The following SOX6 variants were observed in gnomAD, a reference collection of about 807,000 sequenced individuals.
The protein encoded by SOX6 is transcription factor SOX-6.
Under a neutral mutation model 97.8 loss-of-function variants are expected in SOX6, and 11 were observed. That is an observed-to-expected ratio of 0.11 (90% CI 0.07 to 0.19). SOX6 has a LOEUF of 0.19. SOX6 is among the 10% of genes least tolerant of loss of function. The pLI is 1.00. For synonymous variants in SOX6, 360 were observed against 371.4 expected, an observed-to-expected ratio of 0.97 and a Z score of 0.35; for missense variants, 810 against 1,039.5, an observed-to-expected ratio of 0.78 and a Z score of 3.04.
At chr11:16,491,639 T>A (rs1409613480) in intron 4 of SOX6, among the ~76,000 whole-genome samples, 1 of 151,994 alleles carries the variant, frequency 6.6e-6, no homozygotes, top group African/African-American at 2.4e-5. Context: ...ACTTGATCTA[T>A]CAGATATCAA....
chr11:16,682,017 G>A (rs1847932367), intron 3 of SOX6, among the ~76,000 whole-genome samples: 1 of 152,200 alleles, frequency 6.6e-6, no homozygotes, highest in Admixed American at 6.5e-5. Flanking sequence ...ATTCACAGCT[G>A]AATTCTACCT....
intron 3 of SOX6, among the ~76,000 whole-genome samples, chr11:16,277,926 G>GT (rs35314117): frequency 0.025 from 3,827 of 152,282 alleles, 63 homozygotes; most frequent in Middle Eastern, 0.054. Flanking sequence ...AGTAAGAATA[G>GT]TATCTACATC....
chr11:16,138,171 A>C (rs1850023960), intron 6 of SOX6, among the ~76,000 whole-genome samples: 1 of 152,190 alleles, frequency 6.6e-6, no homozygotes, highest in Non-Finnish European at 1.5e-5. Flanking sequence ...TCTAGGAATA[A>C]AGAAGCTTAA....
intron 2 of SOX6, among the ~76,000 whole-genome samples, chr11:16,727,327 A>G (rs1033974396): frequency 1.6e-5 from 2 of 123,992 alleles, no homozygotes; most frequent in Admixed American, 2.2e-4. Context: ...ACTGCCCCAT[A>G]TCAGTACCTA....
intron 4 of SOX6, among the ~76,000 whole-genome samples, chr11:16,523,033 G>C (rs1861094354): frequency 6.6e-6 from 1 of 152,118 alleles, no homozygotes; most frequent in Non-Finnish European, 1.5e-5. Flanking sequence ...ATAATAATGG[G>C]AGACTTTAAC....
At chr11:16,196,892 G>T (rs1008821881) in intron 4 of SOX6, among the ~76,000 whole-genome samples, 1 of 145,552 alleles carries the variant, frequency 6.9e-6, no homozygotes, top group Non-Finnish European at 1.5e-5. Context: ...GGAGTGCAGT[G>T]GTGTGATCTC....
At chr11:16,061,968 G>A (rs1280791718) in intron 9 of SOX6, among the ~76,000 whole-genome samples, 3 of 151,598 alleles carry the variant, frequency 2.0e-5, no homozygotes, top group African/African-American at 7.3e-5. Context: ...AACTCTTCTG[G>A]GCATTGGTTT....
intron 3 of SOX6, among the ~76,000 whole-genome samples, chr11:16,280,451 A>G (rs974297442): frequency 3.3e-5 from 5 of 151,886 alleles, no homozygotes; most frequent in African/African-American, 1.2e-4. Flanking sequence ...AACACACATC[A>G]GAACCATTCA....
In SOX6 at chr11:15,979,504, C is replaced by G. The variant is rs577606463; in HGVS notation, c.2184-6392G>C. The stretch of plus-strand genomic sequence containing the variant: ...CTGCTTAAAACTCATCAATGCCTTT[C>G]CATCTCACTCAGGGTCAAATACAAA... On this transcript the variant is annotated intron_variant, in intron 15 of 15. Coordinates refer to ENST00000683767, the MANE Select transcript of SOX6 (RefSeq NM_001367873.1). 2.0e-5 allele frequency among the ~76,000 whole-genome samples: 3 copies of G among 152,224 alleles called. No homozygotes were observed. The South Asian group carries it at 6.2e-4, about 32-fold the overall frequency.
In SOX6 at chr11:15,973,075, C is replaced by T. The variant is rs1417556704; in HGVS notation, c.2221G>A (p.Val741Ile). The T allele has an allele frequency of 2.5e-6, 4 of 1,614,160 alleles. No homozygotes were observed. Among genetic ancestry groups the T allele is most frequent in the Non-Finnish European group, 3.4e-6 (4 of 1,180,020 alleles). ...ATAGTGATAGCACCAGGATACACAA[C>T]ACCTGTTCCTGTGGTGATTGGAATC... ...PQIPITTGTGVVYPGAITMAT... is the reference protein window; with the variant it reads ...PQIPITTGTGIVYPGAITMAT... The change falls in exon 16 of 16, where the codon GTT (valine) becomes ATT (isoleucine). Residue 741 changes from valine to isoleucine, a missense_variant. Val to Ile is a conservative substitution (Grantham distance 29, BLOSUM62 3). This residue lies in a region of SOX6 where 122 missense variants were observed against 153.4 expected (regional missense o/e 0.80). Coordinates refer to ENST00000683767, the MANE Select transcript of SOX6 (RefSeq NM_001367873.1).
chr11:16,482,802 A>C (rs997381909), intron 4 of SOX6, among the ~76,000 whole-genome samples: 6 of 152,228 alleles, frequency 3.9e-5, no homozygotes, highest in African/African-American at 1.4e-4. Flanking sequence ...AGAGTATTAA[A>C]GAAGGGTCAA....
At chr11:16,029,049 A>C (rs1194825715) in intron 12 of SOX6, among the ~76,000 whole-genome samples, 2 of 152,214 alleles carry the variant, frequency 1.3e-5, no homozygotes, top group African/African-American at 4.8e-5. Flanking sequence ...TTTATTTCTC[A>C]AAAAATAAAA....
intron 4 of SOX6, among the ~76,000 whole-genome samples, chr11:16,208,291 T>C (rs1852126222): frequency 6.6e-6 from 1 of 152,232 alleles, no homozygotes; most frequent in Non-Finnish European, 1.5e-5. Flanking sequence ...TTTTGGACAC[T>C]ATCAGGGTAT....
At chr11:16,083,057 G>A (rs1162291831) in intron 9 of SOX6, among the ~76,000 whole-genome samples, 2 of 152,008 alleles carry the variant, frequency 1.3e-5, no homozygotes, top group South Asian at 2.1e-4. Context: ...ATAAACCTGG[G>A]GAACTTATAC....
At chr11:16,179,875 A>C (rs1851302757) in intron 6 of SOX6, among the ~76,000 whole-genome samples, 1 of 151,888 alleles carries the variant, frequency 6.6e-6, no homozygotes, top group Non-Finnish European at 1.5e-5. Context: ...CTAAAATTGG[A>C]GTCTGAAGAG....
At chr11:16,080,916 G>A (rs1848459096) in intron 9 of SOX6, among the ~76,000 whole-genome samples, 2 of 151,968 alleles carry the variant, frequency 1.3e-5, no homozygotes. Context: ...GGGAGACCCT[G>A]TCTCTAAGAC....
chr11:16,341,383 C>A (rs1056607358), intron 1 of SOX6, 131 bp from the exon 2 acceptor site: 5 of 1,329,176 alleles, frequency 3.8e-6, no homozygotes, highest in Non-Finnish European at 3.0e-6. Flanking sequence ...CCACTCTAAA[C>A]CCCTGAAAAA....
intron 9 of SOX6, among the ~76,000 whole-genome samples, chr11:16,066,616 G>A (rs530219190): frequency 6.6e-6 from 1 of 152,272 alleles, no homozygotes; most frequent in South Asian, 2.1e-4. Flanking sequence ...GGAACTGGAG[G>A]TCATTATGCC....
chr11:16,691,894 G>A (rs555619515), intron 3 of SOX6, among the ~76,000 whole-genome samples: 3 of 152,218 alleles, frequency 2.0e-5, no homozygotes, highest in African/African-American at 7.2e-5. Context: ...CTATGTATTT[G>A]TAAACCAGAT....
Sources: gnomAD v4.1 joint callset for allele counts (sites outside exome capture counted in the v4.1 genomes callset) on GRCh38, gnomAD v4.1.1 for gene constraint, gnomAD v4.1.1 regional missense constraint, MANE v1.5 for transcripts, NCBI Gene and HGNC (gene_info 2026-07-23, HGNC 2026-07-21) for gene names.